FHIT: variants seen among roughly 807,000 people sequenced by gnomAD.
The protein encoded by FHIT is bis(5'-adenosyl)-triphosphatase.
FHIT carries 19 observed loss-of-function variants against 17.9 expected under a neutral mutation model. The ratio of observed to expected loss-of-function variants is 1.06; its 90% CI spans 0.74 to 1.56. The LOEUF (loss-of-function observed/expected upper bound fraction) is 1.56, where lower values mean the gene tolerates loss of function less well. Ranked by LOEUF, FHIT falls within the 40% of genes most tolerant of loss-of-function variation. FHIT has a pLI of 0.00. For synonymous variants in FHIT, 81 were observed against 69.7 expected, an observed-to-expected ratio of 1.16 and a Z score of -0.81; for missense variants, 248 against 189.2, an observed-to-expected ratio of 1.31 and a Z score of -1.82.
At chr3:60,930,138 G>C (rs1340956355) in intron 3 of FHIT, among the ~76,000 whole-genome samples, 2 of 151,724 alleles carry the variant, frequency 1.3e-5, no homozygotes, top group African/African-American at 4.9e-5. Context: ...TTAATAAATG[G>C]TGCTGGGGAA....
intron 5 of FHIT, among the ~76,000 whole-genome samples, chr3:60,020,032 C>A (rs374222631): frequency 6.6e-6 from 1 of 152,098 alleles, no homozygotes; most frequent in Non-Finnish European, 1.5e-5. Context: ...AGAATGGGCA[C>A]GCGACATGAG....
intron 5 of FHIT, among the ~76,000 whole-genome samples, chr3:60,366,362 G>A (rs1221890668): frequency 6.6e-6 from 1 of 152,062 alleles, no homozygotes; most frequent in Non-Finnish European, 1.5e-5. Flanking sequence ...TGACCTCAAG[G>A]GATCCGCCTG....
At chr3:60,319,206 T>C (rs1252828513) in intron 5 of FHIT, among the ~76,000 whole-genome samples, 3 of 152,164 alleles carry the variant, frequency 2.0e-5, no homozygotes, top group African/African-American at 7.2e-5. Context: ...TCACTCAGCC[T>C]ACCATAATCT....
intron 8 of FHIT, among the ~76,000 whole-genome samples, chr3:59,813,147 A>T (rs1481195749): frequency 6.6e-6 from 1 of 152,216 alleles, no homozygotes; most frequent in Non-Finnish European, 1.5e-5. Context: ...ACAATTAATC[A>T]TTATTTCATT....
chr3:60,954,285 T>C (rs1485715869), intron 3 of FHIT, among the ~76,000 whole-genome samples: 10 of 152,236 alleles, frequency 6.6e-5, no homozygotes, highest in African/African-American at 2.4e-4. Flanking sequence ...TGTATATCAG[T>C]GGTATTTACA....
At chr3:61,128,775 T>G (rs78370079) in intron 2 of FHIT, among the ~76,000 whole-genome samples, 4 of 145,176 alleles carry the variant, frequency 2.8e-5, no homozygotes, top group East Asian at 2.0e-4. Context: ...AACAAGGTTG[T>G]TTTTTTTTTT....
At chr3:60,031,871 A>T (rs62238403) in intron 5 of FHIT, among the ~76,000 whole-genome samples, 38,731 of 152,186 alleles carry the variant, frequency 0.25, 6,217 homozygotes, top group Non-Finnish European at 0.36. Context: ...AAAATTTTGT[A>T]TCTTATTAAA....
At chr3:60,702,319 G>A (rs2041268272) in intron 4 of FHIT, among the ~76,000 whole-genome samples, 3 of 152,030 alleles carry the variant, frequency 2.0e-5, no homozygotes, top group Non-Finnish European at 4.4e-5. Context: ...AAGTAAAAAT[G>A]AAACCTGTTG....
chr3:59,946,179 G>A (rs1706793174), intron 7 of FHIT, among the ~76,000 whole-genome samples: 1 of 152,090 alleles, frequency 6.6e-6, no homozygotes, highest in Non-Finnish European at 1.5e-5. Context: ...TTCTCCATTT[G>A]TGTTGTCTCT....
intron 8 of FHIT, among the ~76,000 whole-genome samples, chr3:59,841,934 T>G (rs1358783062): frequency 6.6e-6 from 1 of 152,188 alleles, no homozygotes; most frequent in Non-Finnish European, 1.5e-5. Flanking sequence ...ATCTTGGCTA[T>G]TTTTAGGTGT....
chr3:60,714,124 TCAATATA>T (rs2041615808), intron 4 of FHIT, among the ~76,000 whole-genome samples: 1 of 152,164 alleles, frequency 6.6e-6, no homozygotes, highest in South Asian at 2.1e-4. Flanking sequence ...CAAGGCTGGT[TCAATATA>T]CGCAAATCAA....
chr3:60,349,349 A>G (rs1710962161), intron 5 of FHIT, among the ~76,000 whole-genome samples: 1 of 152,096 alleles, frequency 6.6e-6, no homozygotes, highest in Non-Finnish European at 1.5e-5. Context: ...GGATTTTGTG[A>G]GAAGGACAGA....
chr3:59,772,589 G>A (rs1286480965), intron 8 of FHIT, among the ~76,000 whole-genome samples: 2 of 152,212 alleles, frequency 1.3e-5, no homozygotes, highest in Admixed American at 6.5e-5. Context: ...ATGCAGGCAG[G>A]CTGGTGCCAA....
intron 5 of FHIT, among the ~76,000 whole-genome samples, chr3:60,519,211 ATATTCT>A (rs894197144): frequency 1.3e-5 from 2 of 152,236 alleles, no homozygotes; most frequent in Non-Finnish European, 2.9e-5. Context: ...CAGTGGGCAG[ATATTCT>A]TATGATTAGA....
chr3:60,783,931 T>G (rs987774053), intron 4 of FHIT, among the ~76,000 whole-genome samples: 4 of 152,176 alleles, frequency 2.6e-5, no homozygotes, highest in Non-Finnish European at 5.9e-5. Context: ...AGTACAGTGA[T>G]TTCCTTAATA....
intron 3 of FHIT, among the ~76,000 whole-genome samples, chr3:61,024,870 A>G (rs2107654375): frequency 6.6e-6 from 1 of 152,282 alleles, no homozygotes; most frequent in East Asian, 1.9e-4. Context: ...ACTCTGATTA[A>G]TGTACAAGTG....
intron 2 of FHIT, among the ~76,000 whole-genome samples, chr3:61,196,795 G>A (rs745718685): frequency 2.0e-5 from 3 of 152,160 alleles, no homozygotes; most frequent in Non-Finnish European, 4.4e-5. Context: ...GCCCCCAACC[G>A]GAACTGTGGC....
chr3:60,295,061 G>C (rs988787967), intron 5 of FHIT, among the ~76,000 whole-genome samples: 4 of 152,044 alleles, frequency 2.6e-5, no homozygotes, highest in Admixed American at 6.6e-5. Flanking sequence ...CAAATGCTGG[G>C]TTGTCTCAGT....
chr3:60,351,309 C>A (rs1699383922), intron 5 of FHIT, among the ~76,000 whole-genome samples: 1 of 152,118 alleles, frequency 6.6e-6, no homozygotes, highest in African/African-American at 2.4e-5. Flanking sequence ...ATGAAGGAAG[C>A]AATACATTGA....
Sources: gnomAD v4.1 joint callset for allele counts (sites outside exome capture counted in the v4.1 genomes callset) on GRCh38, gnomAD v4.1.1 for gene constraint, MANE v1.5 for transcripts, NCBI Gene and HGNC (gene_info 2026-07-23, HGNC 2026-07-21) for gene names.